The following TDRD5 variants were observed in gnomAD, a reference collection of about 807,000 sequenced individuals.
The protein encoded by TDRD5 is tudor domain containing 5.
A neutral mutation model predicts 120.6 loss-of-function variants in TDRD5; 41 were observed. That is an observed-to-expected ratio of 0.34 (90% CI 0.26 to 0.44). TDRD5 has a LOEUF of 0.44. Among genes scored for constraint, TDRD5 ranks in the 20% least tolerant of loss-of-function variants. The probability of loss-of-function intolerance (pLI) is 1.00; values close to 1 mark genes in which losing one functional copy is unlikely to be tolerated. For synonymous variants in TDRD5, 430 were observed against 433.7 expected, an observed-to-expected ratio of 0.99 and a Z score of 0.11; for missense variants, 1,006 against 1,221.2, an observed-to-expected ratio of 0.82 and a Z score of 2.63.
intron 17 of TDRD5, among the ~76,000 whole-genome samples, chr1:179,670,770 C>G (rs1425545154): frequency 6.6e-6 from 1 of 152,126 alleles, no homozygotes; most frequent in Non-Finnish European, 1.5e-5. Flanking sequence ...TTCTTACCTA[C>G]CTGTAGAAGT....
chr1:179,661,722 C>T (rs576722557), intron 14 of TDRD5, among the ~76,000 whole-genome samples: 7 of 152,186 alleles, frequency 4.6e-5, no homozygotes, highest in African/African-American at 1.4e-4. Context: ...TCCCATTTTA[C>T]CCCCTCAATT....
intron 17 of TDRD5, among the ~76,000 whole-genome samples, chr1:179,677,508 AG>A (rs1200005740): frequency 6.6e-6 from 1 of 152,122 alleles, no homozygotes; most frequent in Non-Finnish European, 1.5e-5. Context: ...CTGGGATTCA[AG>A]GGCTGCTGTT....
Position 179,691,032 on chromosome 1 carries a change from A to G in TDRD5, c.*89A>G, listed in dbSNP as rs779754066. On this transcript the variant is annotated 3_prime_UTR_variant, in exon 18 of 18. Coordinates refer to ENST00000444136, the MANE Select transcript of TDRD5 (RefSeq NM_001199085.3). ...CAAAATGAGGAGTTATTGAAGCAAA[A>G]TAGTATCTTGATCATTGATACTTTT... The G allele has an allele frequency of 1.3e-6, 2 of 1,483,248 alleles. No homozygotes were observed. Among genetic ancestry groups the G allele is most frequent in the African/African-American group, 1.4e-5 (1 of 71,242 alleles). The allele number at this position is 1,483,248 out of a possible 1,614,324, so 91.9% of individuals were successfully genotyped here. A position where few individuals can be genotyped will look rare whatever the true frequency, so the allele number is the denominator to read the frequency against.
intron 17 of TDRD5, among the ~76,000 whole-genome samples, chr1:179,677,219 GCTTT>G (rs1384530528): frequency 1.3e-5 from 2 of 151,848 alleles, no homozygotes; most frequent in Non-Finnish European, 2.9e-5. Context: ...TTTTATTAAT[GCTTT>G]CTATTTCACT....
chr1:179,645,437 CTG>C (rs2102042661), intron 11 of TDRD5, among the ~76,000 whole-genome samples: 1 of 152,280 alleles, frequency 6.6e-6, no homozygotes, highest in Non-Finnish European at 1.5e-5. Flanking sequence ...TTTAAATACA[CTG>C]TGGTCAGAGA....
rs201484897 is a variant in TDRD5 at position 179,592,649 on chromosome 1, C to T, written c.34C>T (p.Arg12Trp). 10 of 1,613,872 alleles carry T rather than the reference C, an allele frequency of 6.2e-6. No individual in the cohort carries two copies. The highest frequency in any genetic ancestry group is 8.5e-6 in the Non-Finnish European group (10 of 1,180,020). Reference sequence around the variant, plus strand: ...ACAAGAGCGTATACAGGAATGTCTGCGGAAGGAAATAAGGTCACTTCTCAT... The same window carrying T: ...ACAAGAGCGTATACAGGAATGTCTGTGGAAGGAAATAAGGTCACTTCTCAT... ...SEQERIQECL[R>W]KEIRSLLIST... The change falls in exon 2 of 18, where the codon CGG becomes TGG. Residue 12 changes from arginine (R) to tryptophan (W), a missense_variant. Physicochemically the swap from Arg to Trp is moderately radical, Grantham distance 101. This residue lies in a region of TDRD5 where 445 missense variants were observed against 515.5 expected (regional missense o/e 0.86). Coordinates refer to ENST00000444136, the MANE Select transcript of TDRD5 (RefSeq NM_001199085.3).
chr1:179,635,533 GT>G (rs964887297), intron 8 of TDRD5, 133 bp from the exon 9 acceptor site: 1 of 870,684 alleles, frequency 1.1e-6, no homozygotes, highest in African/African-American at 1.7e-5. Flanking sequence ...CTGGGCTAGA[GT>G]TCAAGAATCT....
intron 4 of TDRD5, among the ~76,000 whole-genome samples, chr1:179,599,402 T>C (rs576100682): frequency 1.1e-3 from 172 of 152,276 alleles, no homozygotes; most frequent in Non-Finnish European, 2.0e-3. Flanking sequence ...TTGTGTAGCA[T>C]TGGTATTTGT....
chr1:179,689,471 G>T (rs1680979064), intron 17 of TDRD5, among the ~76,000 whole-genome samples: 1 of 152,214 alleles, frequency 6.6e-6, no homozygotes, highest in Admixed American at 6.5e-5. Context: ...CTACTGGGAG[G>T]TGACTCCCAG....
chr1:179,672,188 A>G (rs1679890447), intron 17 of TDRD5, among the ~76,000 whole-genome samples: 2 of 152,198 alleles, frequency 1.3e-5, no homozygotes, highest in African/African-American at 2.4e-5. Context: ...AGGAATCTCC[A>G]CACTGTTTTC....
chr1:179,619,119 T>C (rs573422803), intron 5 of TDRD5, among the ~76,000 whole-genome samples: 2 of 152,310 alleles, frequency 1.3e-5, no homozygotes, highest in East Asian at 3.9e-4. Flanking sequence ...TTAATGTCCA[T>C]GGACATTTTT....
chr1:179,645,081 T>C (rs1344275574), intron 11 of TDRD5, among the ~76,000 whole-genome samples: 42 of 123,518 alleles, frequency 3.4e-4, no homozygotes, highest in African/African-American at 1.1e-3. Flanking sequence ...TTTTTCTTTT[T>C]TTTTTTTTTT....
chr1:179,639,970 T>G lies in TDRD5; in HGVS notation c.1652T>G (p.Leu551Arg). The G allele has an allele frequency of 1.2e-6, 2 of 1,614,084 alleles. No individual in the cohort carries two copies. Among genetic ancestry groups the G allele is most frequent in the Non-Finnish European group, 1.7e-6 (2 of 1,179,980 alleles). Residue 551 changes from leucine to arginine, a missense_variant, in exon 10 of 18, where the codon CTT becomes CGT. Physicochemically the swap from Leu to Arg is moderately radical, Grantham distance 102 (BLOSUM62 -2). Around this residue, in one of 3 missense-constraint regions of TDRD5, gnomAD observed 158 missense variants for 257.5 expected, o/e 0.61. Coordinates refer to ENST00000444136, the MANE Select transcript of TDRD5 (RefSeq NM_001199085.3). Reference protein sequence around the residue: ...WWYRVIIHRVLEKQEVEVFYP... With the variant: ...WWYRVIIHRVREKQEVEVFYP... The stretch of plus-strand genomic sequence containing the variant: ...TATCGGGTCATTATCCATCGAGTCC[T>G]TGAGAAACAGGAAGTTGAAGTGTTC...
intron 17 of TDRD5, among the ~76,000 whole-genome samples, chr1:179,676,672 G>T (rs1391728840): frequency 6.6e-6 from 1 of 152,198 alleles, no homozygotes; most frequent in Non-Finnish European, 1.5e-5. Flanking sequence ...GCTAGAAATA[G>T]GACCCCAGTC....
intron 12 of TDRD5, 49 bp downstream of exon 12, chr1:179,651,116 A>G (rs371554082): frequency 1.3e-6 from 2 of 1,582,738 alleles, no homozygotes; most frequent in Middle Eastern, 1.7e-4. Context: ...TAATTTCACC[A>G]CGTCAAGGTA....
intron 17 of TDRD5, among the ~76,000 whole-genome samples, chr1:179,680,328 T>C (rs1006306946): frequency 6.6e-5 from 10 of 152,354 alleles, no homozygotes; most frequent in African/African-American, 2.4e-4. Flanking sequence ...TAGTGTTGTT[T>C]GAATCGTCTG....
chr1:179,652,251 T>A, intron 13 of TDRD5, 54 bp downstream of exon 13: 1 of 1,482,700 alleles, frequency 6.7e-7, no homozygotes. Flanking sequence ...GTAATCCTCA[T>A]TTTTTTAGAT....
intron 15 of TDRD5, among the ~76,000 whole-genome samples, chr1:179,662,517 C>A (rs1478386364): frequency 6.6e-6 from 1 of 151,974 alleles, no homozygotes; most frequent in African/African-American, 2.4e-5. Flanking sequence ...AGTGCTTGAG[C>A]CTGGGAGCTG....
intron 4 of TDRD5, among the ~76,000 whole-genome samples, chr1:179,617,551 T>G (rs1020518496): frequency 3.9e-5 from 6 of 152,096 alleles, no homozygotes; most frequent in Non-Finnish European, 8.8e-5. Flanking sequence ...AAGGAAAAAG[T>G]ATTAATAGTG....
Sources: allele counts gnomAD v4.1 joint callset (sites outside exome capture counted in the v4.1 genomes callset), GRCh38; gene constraint gnomAD v4.1.1; regional missense constraint gnomAD v4.1.1; transcripts MANE v1.5; gene names NCBI Gene and HGNC (gene_info 2026-07-23, HGNC 2026-07-21).